The following ANKHD1 variants were observed in gnomAD, a reference collection of about 807,000 sequenced individuals.
ANKHD1 encodes ankyrin repeat and KH domain-containing protein 1.
ANKHD1 carries 31 observed loss-of-function variants against 230.5 expected under a neutral mutation model. The observed-to-expected ratio is 0.13, with a 90% CI of 0.10 to 0.18. The LOEUF (loss-of-function observed/expected upper bound fraction) is 0.18. ANKHD1 is among the 10% of genes least tolerant of loss of function. The probability of loss-of-function intolerance (pLI) is 1.00; values close to 1 mark genes in which losing one functional copy is unlikely to be tolerated. For missense variants in ANKHD1, 2,256 were observed against 3,071.3 expected, an observed-to-expected ratio of 0.73 and a Z score of 6.27; for synonymous variants, 1,074 against 1,117.6, an observed-to-expected ratio of 0.96 and a Z score of 0.78.
intron 1 of ANKHD1, among the ~76,000 whole-genome samples, chr5:140,405,578 C>T (rs1053371306): frequency 6.6e-6 from 1 of 152,156 alleles, no homozygotes; most frequent in African/African-American, 2.4e-5. Context: ...ATGTAATTGG[C>T]ATTTGATGAA....
At chr5:140,508,472 G>A (rs1180716808) in intron 20 of ANKHD1, among the ~76,000 whole-genome samples, 3 of 152,128 alleles carry the variant, frequency 2.0e-5, no homozygotes, top group Admixed American at 2.0e-4. Flanking sequence ...AGTTAGTGGA[G>A]GCTGGGCGCG....
rs747314014 is a variant in ANKHD1, at chr5:140,464,689, A to C, written c.1695A>C (p.Thr565=). ...LASGANVHAT[T]ATGDTALTYA... Reference sequence around the variant, plus strand: ...TAGGCGCTAATGTGCATGCTACAACAGCAACAGGAGACACAGCCTTAACCT... The same window carrying C: ...TAGGCGCTAATGTGCATGCTACAACCGCAACAGGAGACACAGCCTTAACCT... Residue 565 remains threonine (T), a synonymous_variant, in exon 10 of 34, where the codon ACA becomes ACC. Transcript: ENST00000360839. The C allele has an allele frequency of 5.0e-6, 8 of 1,601,432 alleles. No individual in the cohort carries two copies. Among genetic ancestry groups the C allele is most frequent in the Admixed American group, 1.7e-5 (1 of 59,694 alleles).
At position 140,504,214 on chromosome 5, in the gene ANKHD1, T is replaced by G. The variant is rs142674893; in HGVS notation, c.3005-607T>G. On this transcript the variant is annotated intron_variant, in intron 15 of 33. Transcript: ENST00000360839. Reference sequence around the variant, plus strand: ...ACAGGCATGTACCACCACACCTGGCTAACTTTCTGTTTTTTTTAGTAGAGA... The same window carrying G: ...ACAGGCATGTACCACCACACCTGGCGAACTTTCTGTTTTTTTTAGTAGAGA... 4.6e-4 allele frequency among the ~76,000 whole-genome samples: 70 copies of G among 152,228 alleles called. 1 individual carries two copies. The highest frequency in any genetic ancestry group is 6.8e-3 in the Middle Eastern group (2 of 294).
At chr5:140,427,111 C>G (rs1772497842) in intron 1 of ANKHD1, among the ~76,000 whole-genome samples, 5 of 151,990 alleles carry the variant, frequency 3.3e-5, no homozygotes, top group Admixed American at 1.3e-4. Context: ...AGGCGCCCCT[C>G]ACTTCCCGGA....
intron 26 of ANKHD1, 97 bp from the exon 27 acceptor site, chr5:140,526,831 G>A (rs1022587047): frequency 3.5e-5 from 50 of 1,427,374 alleles, no homozygotes; most frequent in Non-Finnish European, 4.3e-5. Flanking sequence ...AGTTTAATAC[G>A]AATATTTCAG....
chr5:140,491,305 A>C (rs1751795276), intron 14 of ANKHD1, among the ~76,000 whole-genome samples: 1 of 150,342 alleles, frequency 6.7e-6, no homozygotes, highest in Admixed American at 6.7e-5. Flanking sequence ...CTGGGACTAC[A>C]GGTGCCCTGC....
At chr5:140,481,402 TTTAA>T (rs1751269653) in intron 10 of ANKHD1, among the ~76,000 whole-genome samples, 1 of 152,098 alleles carries the variant, frequency 6.6e-6, no homozygotes, top group Middle Eastern at 3.2e-3. Context: ...AAGATTCTTA[TTTAA>T]TTAACATGTA....
At chr5:140,512,956 G>C in intron 23 of ANKHD1, 33 bp downstream of exon 23, 1 of 1,550,404 alleles carries the variant, frequency 6.4e-7, no homozygotes, top group Non-Finnish European at 8.7e-7. Context: ...GCACATTTTT[G>C]TTCTTTGTGG....
At chr5:140,458,477 A>G in intron 7 of ANKHD1, 148 bp from the exon 8 acceptor site, 1 of 682,486 alleles carries the variant, frequency 1.5e-6, no homozygotes, top group Non-Finnish European at 2.2e-6. Flanking sequence ...TCAGATGAGC[A>G]TGATAATATA....
In ANKHD1 at chr5:140,485,547, A is replaced by G; in HGVS notation, c.1999-42A>G. 6.2e-7 allele frequency: 1 copy of G among 1,608,592 alleles called. No individual in the cohort carries two copies. Among genetic ancestry groups the G allele is most frequent in the African/African-American group, 1.3e-5 (1 of 74,596 alleles). ...AGTTTTGATTTTATATGAGCTGCTA[A>G]GAAACTATAAAGAATTAATTATCAT... On this transcript the variant is annotated intron_variant, in intron 12 of 33. Transcript: ENST00000360839. This position sits in a 1 kb window ranked among gnomAD's most constrained non-coding sequence, Gnocchi z 4.8.
At chr5:140,456,637 G>A (rs912244637) in intron 7 of ANKHD1, among the ~76,000 whole-genome samples, 2 of 152,202 alleles carry the variant, frequency 1.3e-5, no homozygotes, top group African/African-American at 4.8e-5. Flanking sequence ...AATACATGGT[G>A]CTGGGAAAAC....
chr5:140,535,625 T>C (rs1754033406), intron 30 of ANKHD1, 87 bp downstream of exon 30: 7 of 1,440,826 alleles, frequency 4.9e-6, no homozygotes, highest in Admixed American at 3.0e-5. Context: ...GTTGTAACTT[T>C]AGTAAACTAA....
intron 10 of ANKHD1, among the ~76,000 whole-genome samples, chr5:140,468,526 TAGAA>T (rs1561769584): frequency 1.3e-5 from 2 of 152,144 alleles, no homozygotes; most frequent in Non-Finnish European, 2.9e-5. Flanking sequence ...CCTCCCTTAA[TAGAA>T]AGAAAAATAT....
chr5:140,520,202 A>T (rs1273947181), intron 24 of ANKHD1, among the ~76,000 whole-genome samples: 1 of 152,244 alleles, frequency 6.6e-6, no homozygotes, highest in Admixed American at 6.5e-5. Flanking sequence ...TGGCCATCAG[A>T]GAAACGCAAA....
chr5:140,491,160 AT>A (rs1222038703), intron 14 of ANKHD1, among the ~76,000 whole-genome samples: 41 of 45,648 alleles, frequency 9.0e-4, no homozygotes, highest in African/African-American at 2.3e-3. Context: ...ATATATATAT[AT>A]TTTTTTTTTT....
At chr5:140,474,826 T>TA (rs1444868006) in intron 10 of ANKHD1, among the ~76,000 whole-genome samples, 3 of 152,044 alleles carry the variant, frequency 2.0e-5, no homozygotes, top group African/African-American at 7.2e-5. Context: ...GTGTATTTTT[T>TA]ATAGATATAT....
chr5:140,478,995 T>TTTTATTTA lies in ANKHD1; in HGVS notation c.1783-3573_1783-3566dup, dbSNP rs10696182. Among the ~76,000 whole-genome samples, 407 of 146,544 alleles carry TTTTATTTA rather than the reference T, an allele frequency of 2.8e-3. 1 individual carries two copies. Among genetic ancestry groups the TTTTATTTA allele is most frequent in the Middle Eastern group, 0.014 (4 of 288 alleles). On this transcript the variant is annotated intron_variant, in intron 10 of 33. Coordinates refer to ENST00000360839, the MANE Select transcript of ANKHD1 (RefSeq NM_017747.3). Reference sequence around the variant, plus strand: ...TTTTATTTTATTTATTTTTTTTAATTTTTATTTATTTATTTATTTTTAAGA... The same window carrying TTTTATTTA: ...TTTTATTTTATTTATTTTTTTTAATTTTTATTTATTTATTTATTTATTTATTTTTAAGA...
intron 10 of ANKHD1, among the ~76,000 whole-genome samples, chr5:140,474,549 C>T (rs1057269603): frequency 3.3e-5 from 5 of 150,592 alleles, no homozygotes; most frequent in African/African-American, 4.9e-5. Context: ...AGAAAAAATT[C>T]CACATTTTTT....
chr5:140,521,424 C>G (rs1462808854), intron 24 of ANKHD1, among the ~76,000 whole-genome samples: 1 of 151,956 alleles, frequency 6.6e-6, no homozygotes, highest in Non-Finnish European at 1.5e-5. Flanking sequence ...CACTTGAGAC[C>G]AGCAGTTCAA....
Sources: gnomAD v4.1 joint callset for allele counts (sites outside exome capture counted in the v4.1 genomes callset) on GRCh38, gnomAD v4.1.1 for gene constraint, Gnocchi (gnomAD v3.1) non-coding constraint, MANE v1.5 for transcripts, NCBI Gene and HGNC (gene_info 2026-07-23, HGNC 2026-07-21) for gene names.